Variants in EPHB1 observed in about 807,000 individuals in gnomAD.
EPHB1 encodes EPH receptor B1, also known as ephrin type-B receptor 1.
In EPHB1, 30 loss-of-function variants were observed where a neutral mutation model predicts 94.4. That is an observed-to-expected ratio of 0.32 (90% CI 0.24 to 0.43). EPHB1 has a LOEUF of 0.43. Ranked by LOEUF, EPHB1 falls within the 20% of genes least tolerant of loss-of-function variation. The pLI is 1.00. For synonymous variants in EPHB1, 522 were observed against 489.1 expected, an observed-to-expected ratio of 1.07 and a Z score of -0.89; for missense variants, 1,055 against 1,308.3, an observed-to-expected ratio of 0.81 and a Z score of 2.99.
rs115849064 is a variant in EPHB1, at chr3:135,053,929, C to G, written c.806-52519C>G. 3.2e-3 allele frequency among the ~76,000 whole-genome samples: 491 copies of G among 151,960 alleles called. 2 individuals are homozygous for G. The highest frequency in any genetic ancestry group is 0.011 in the African/African-American group (468 of 41,398). ...ATAGTTTGAGCCCACGAGTTCAAGG[C>G]CGCAGTAAGCTATGATTGCTTCACT... is the stretch of plus-strand genomic sequence containing the variant. On this transcript the variant is annotated intron_variant, in intron 3 of 15. Transcript: ENST00000398015.
Position 134,987,425 on chromosome 3 carries a change from A to G in EPHB1, c.805+35373A>G, listed in dbSNP as rs573076452. ...GGACTTTAATCCAGTGTCTTTATAAAAAGAAGCACCAGAGTGCTGTTTCTG... is the reference window on the plus strand; with the variant it reads ...GGACTTTAATCCAGTGTCTTTATAAGAAGAAGCACCAGAGTGCTGTTTCTG... On this transcript the variant is annotated intron_variant, in intron 3 of 15. Coordinates refer to ENST00000398015, the MANE Select transcript of EPHB1 (RefSeq NM_004441.5). Among the ~76,000 whole-genome samples, 26 of 152,256 alleles carry G rather than the reference A, an allele frequency of 1.7e-4. No individual in the cohort carries two copies. In the South Asian group the frequency reaches 4.8e-3, roughly 28 times the overall value.
chr3:134,953,079 T>C (rs1012248624), intron 3 of EPHB1, among the ~76,000 whole-genome samples: 1 of 152,170 alleles, frequency 6.6e-6, no homozygotes, highest in African/African-American at 2.4e-5. Context: ...CTTAGTCCTT[T>C]GGGTCTTGGG....
intron 10 of EPHB1, among the ~76,000 whole-genome samples, chr3:135,184,118 G>A (rs146257135): frequency 1.3e-5 from 2 of 152,204 alleles, no homozygotes; most frequent in Non-Finnish European, 2.9e-5. Context: ...ATACCCAAAT[G>A]AATGTGATGA....
intron 3 of EPHB1, among the ~76,000 whole-genome samples, chr3:134,968,311 G>T (rs1383521772): frequency 6.6e-6 from 1 of 152,202 alleles, no homozygotes; most frequent in Non-Finnish European, 1.5e-5. Flanking sequence ...AACAAGCCAG[G>T]AGGTAATTTT....
chr3:134,953,518 GTCACTA>G (rs1402837387), intron 3 of EPHB1, among the ~76,000 whole-genome samples: 2 of 152,216 alleles, frequency 1.3e-5, no homozygotes, highest in Non-Finnish European at 1.5e-5. Flanking sequence ...GTTGGGATGG[GTCACTA>G]TCTTTGCCAT....
At chr3:135,122,554 A>G (rs192587329) in intron 4 of EPHB1, among the ~76,000 whole-genome samples, 17 of 152,272 alleles carry the variant, frequency 1.1e-4, no homozygotes, top group Admixed American at 9.8e-4. Flanking sequence ...GAGACTAGTC[A>G]TAAATACCTC....
At chr3:134,974,400 G>C (rs943939642) in intron 3 of EPHB1, among the ~76,000 whole-genome samples, 3 of 152,096 alleles carry the variant, frequency 2.0e-5, no homozygotes, top group Non-Finnish European at 2.9e-5. Flanking sequence ...TGCTTTCCTC[G>C]TTGTAAAATG....
At chr3:135,148,029 A>AAAATT in intron 5 of EPHB1, among the ~76,000 whole-genome samples, 2 of 152,366 alleles carry the variant, frequency 1.3e-5, no homozygotes, top group East Asian at 3.9e-4. Context: ...GTAAACTGTT[A>AAAATT]TATCATTTGT....
chr3:134,997,964 A>G (rs1352447496), intron 3 of EPHB1, among the ~76,000 whole-genome samples: 3 of 152,142 alleles, frequency 2.0e-5, no homozygotes, highest in Non-Finnish European at 4.4e-5. Context: ...AGCTTATTCT[A>G]GGACTCCATT....
In EPHB1 at chr3:135,260,076, GA is replaced by G. The variant is rs1933577836; in HGVS notation, c.*959del. On this transcript the variant is annotated 3_prime_UTR_variant, in exon 16 of 16. Transcript: ENST00000398015. ...AAAAAAAGTTTGCAAATTCAGACAG[GA>G]AACAGGTGAGTGGTTTGAATTGGAT... The G allele has an allele frequency of 1.3e-5, 3 of 233,144 alleles. No individual in the cohort carries two copies. In the South Asian group the frequency reaches 5.4e-4, roughly 42 times the overall value. The allele number at this position is 233,144 out of a possible 1,614,324, so 14.4% of individuals were successfully genotyped here. A position where few individuals can be genotyped will look rare whatever the true frequency, so the allele number is the denominator to read the frequency against.
chr3:135,082,805 A>C (rs764751267), intron 3 of EPHB1, among the ~76,000 whole-genome samples: 1 of 152,350 alleles, frequency 6.6e-6, no homozygotes, highest in South Asian at 2.1e-4. Context: ...CGCTTATTTA[A>C]TACAAGTCCA....
At chr3:135,214,338 A>G (rs1943095173) in intron 12 of EPHB1, among the ~76,000 whole-genome samples, 2 of 152,014 alleles carry the variant, frequency 1.3e-5, no homozygotes, top group African/African-American at 4.8e-5. Context: ...CCACTTGGGG[A>G]CAGCTCAGCT....
intron 3 of EPHB1, among the ~76,000 whole-genome samples, chr3:135,105,254 T>C (rs773081299): frequency 2.0e-5 from 3 of 152,232 alleles, no homozygotes; most frequent in African/African-American, 4.8e-5. Flanking sequence ...TATGACTTCA[T>C]TGGATCAAGA....
chr3:134,954,172 G>C (rs1023811956), intron 3 of EPHB1, among the ~76,000 whole-genome samples: 3 of 152,220 alleles, frequency 2.0e-5, no homozygotes, highest in African/African-American at 7.2e-5. Context: ...TGAAAGGGAA[G>C]AGAAGGGCCC....
intron 3 of EPHB1, among the ~76,000 whole-genome samples, chr3:135,032,577 T>C (rs1936513861): frequency 6.6e-6 from 1 of 152,164 alleles, no homozygotes; most frequent in Non-Finnish European, 1.5e-5. Flanking sequence ...TCTCTTCATA[T>C]TTTAGTGTGA....
chr3:134,982,072 C>CT (rs1200590220), intron 3 of EPHB1, among the ~76,000 whole-genome samples: 2 of 152,206 alleles, frequency 1.3e-5, no homozygotes, highest in Non-Finnish European at 2.9e-5. Context: ...TATCATACAG[C>CT]TACAAGGTGG....
intron 2 of EPHB1, among the ~76,000 whole-genome samples, chr3:134,937,343 G>A (rs1036036732): frequency 6.6e-6 from 1 of 152,222 alleles, no homozygotes; most frequent in Non-Finnish European, 1.5e-5. Flanking sequence ...TGTGGTGGGG[G>A]TGTCCTCTCT....
intron 1 of EPHB1, among the ~76,000 whole-genome samples, chr3:134,838,848 A>G (rs1283931208): frequency 6.6e-6 from 1 of 152,254 alleles, no homozygotes; most frequent in Non-Finnish European, 1.5e-5. Context: ...ACTGCTTTCC[A>G]GAATGCAACT....
At chr3:134,935,557 T>C (rs960452789) in intron 2 of EPHB1, among the ~76,000 whole-genome samples, 3 of 152,220 alleles carry the variant, frequency 2.0e-5, no homozygotes, top group Admixed American at 2.0e-4. Context: ...GCTGCCTTTA[T>C]AACATAGGTA....
Sources: allele counts gnomAD v4.1 joint callset (sites outside exome capture counted in the v4.1 genomes callset), GRCh38; gene constraint gnomAD v4.1.1; transcripts MANE v1.5; gene names NCBI Gene and HGNC (gene_info 2026-07-23, HGNC 2026-07-21).